CEP95: variants seen among roughly 807,000 people sequenced by gnomAD.
The protein encoded by CEP95 is centrosomal protein of 95 kDa.
Under a neutral mutation model 111.2 loss-of-function variants are expected in CEP95, and 98 were observed. That is an observed-to-expected ratio of 0.88 (90% CI 0.75 to 1.04). CEP95 has a LOEUF of 1.04. CEP95 is among the 50% of genes least tolerant of loss of function. The pLI, the probability that CEP95 is intolerant of heterozygous loss-of-function variation, is 0.00. For missense variants in CEP95, 1,027 were observed against 977.2 expected (o/e 1.05, Z -0.68); for synonymous variants, 323 against 327.1 (o/e 0.99, Z 0.14).
Position 64,532,974 on chromosome 17 carries a change from G to T in CEP95, c.1808G>T (p.Arg603Ile). Residue 603 changes from arginine to isoleucine, a missense_variant, in exon 15 of 20, where the codon AGA becomes ATA. Arg to Ile is a moderately conservative substitution (Grantham distance 97). Transcript: ENST00000556440. ...GAACAGCTTAAGAAAGAAGCATGTAGAGAAAATCGATCAAAGAAGAAACTC... is the reference window on the plus strand; with the variant it reads ...GAACAGCTTAAGAAAGAAGCATGTATAGAAAATCGATCAAAGAAGAAACTC... ...QVEQLKKEAC[R>I]ENRSKKKLQD... 1 of 1,612,588 alleles carries T rather than the reference G, an allele frequency of 6.2e-7. No individual in the cohort carries two copies. The highest frequency in any genetic ancestry group is 8.5e-7 in the Non-Finnish European group (1 of 1,179,556).
At chr17:64,531,564 G>A (rs952681350) in intron 13 of CEP95, among the ~76,000 whole-genome samples, 4 of 152,140 alleles carry the variant, frequency 2.6e-5, no homozygotes, top group African/African-American at 7.2e-5. Flanking sequence ...CATGGAAAAA[G>A]AGAAGTACAT....
chr17:64,507,364 CCTGG>C, intron 1 of CEP95: 2 of 1,411,888 alleles, frequency 1.4e-6, no homozygotes, highest in Non-Finnish European at 1.8e-6. Context: ...ACACTTGGGT[CCTGG>C]CTGTAAAAAG....
chr17:64,535,060 G>GAC (rs1300988080), intron 17 of CEP95: 1 of 338,940 alleles, frequency 3.0e-6, no homozygotes, highest in East Asian at 7.4e-5. Flanking sequence ...GTGATAACAT[G>GAC]ACCTTGCATT....
chr17:64,508,456 A>C, intron 1 of CEP95, 136 bp from the exon 2 acceptor site: 1 of 1,170,040 alleles, frequency 8.5e-7, no homozygotes, highest in Admixed American at 4.7e-5. Flanking sequence ...GAAATTCTCT[A>C]ACAATCAAAT....
At chr17:64,533,032 A>T (rs367648695) in intron 15 of CEP95, 24 bp downstream of exon 15, 42 of 1,606,588 alleles carry the variant, frequency 2.6e-5, no homozygotes, top group South Asian at 2.0e-4. Flanking sequence ...AGTCTTAAGC[A>T]TAGGAATTTA....
rs1300326976 is a variant in CEP95, at chr17:64,518,195, T to C, written c.474-1126T>C. ...CCCAGCCTCAAGTTGTTAAATTCTT[T>C]ATAATAATTTGTAATCACTGTATAA... On this transcript the variant is annotated intron_variant, in intron 5 of 19. Coordinates refer to ENST00000556440, the MANE Select transcript of CEP95 (RefSeq NM_138363.3). 3.3e-5 allele frequency among the ~76,000 whole-genome samples: 5 copies of C among 152,222 alleles called. No individual in the cohort carries two copies. In the East Asian group the frequency reaches 7.7e-4, roughly 23 times the overall value.
intron 2 of CEP95, 80 bp downstream of exon 2, chr17:64,508,800 A>G (rs781891577): frequency 2.0e-4 from 110 of 563,296 alleles, no homozygotes; most frequent in Non-Finnish European, 2.7e-4. Flanking sequence ...ATTCTTTGAT[A>G]TTTATAAAAT....
chr17:64,518,168 C>T (rs953647653), intron 5 of CEP95, among the ~76,000 whole-genome samples: 3 of 152,200 alleles, frequency 2.0e-5, no homozygotes, highest in Non-Finnish European at 2.9e-5. Flanking sequence ...TGAGCCCCTG[C>T]GCCCAGCCTC....
Position 64,511,483 on chromosome 17 carries a change from T to C in CEP95, c.256+1203T>C, listed in dbSNP as rs568180988. ...ATTTGCTTTTGAAAGAAAAGAAATA[T>C]GGCTCTGTTCCGCCCGGCTCACCAA... On this transcript the variant is annotated intron_variant, in intron 3 of 19. Transcript: ENST00000556440. 7.9e-5 allele frequency among the ~76,000 whole-genome samples: 12 copies of C among 152,350 alleles called. 2 individuals carry two copies. The South Asian group carries it at 1.4e-3, about 18-fold the overall frequency.
intron 12 of CEP95, among the ~76,000 whole-genome samples, chr17:64,530,202 A>G (rs1555679986): frequency 6.6e-6 from 1 of 152,162 alleles, no homozygotes; most frequent in African/African-American, 2.4e-5. Flanking sequence ...CCTGGCCAAC[A>G]TGTTGAAACC....
intron 6 of CEP95, among the ~76,000 whole-genome samples, chr17:64,520,941 A>T (rs1422054371): frequency 2.6e-5 from 4 of 152,232 alleles, no homozygotes; most frequent in African/African-American, 9.6e-5. Context: ...TCTGATAGCA[A>T]TTAAAAATAA....
intron 5 of CEP95, among the ~76,000 whole-genome samples, chr17:64,517,891 T>C (rs1345784233): frequency 6.6e-6 from 1 of 152,214 alleles, no homozygotes; most frequent in East Asian, 1.9e-4. Flanking sequence ...AATTTTTTTT[T>C]TGAGACACAG....
Position 64,527,249 on chromosome 17 carries a change from A to G in CEP95, c.1291A>G (p.Lys431Glu), listed in dbSNP as rs782621467. 6.6e-5 allele frequency: 106 copies of G among 1,611,746 alleles called. 1 individual carries two copies. Among genetic ancestry groups the G allele is most frequent in the Non-Finnish European group, 9.3e-6 (11 of 1,178,940 alleles). Residue 431 changes from lysine to glutamate, a missense_variant, in exon 11 of 20, where the codon AAG becomes GAG. Lys to Glu is a moderately conservative substitution (Grantham distance 56). Transcript: ENST00000556440. ...HSDGIVEYGP[K>E]KSRPGLSMRR... The stretch of plus-strand genomic sequence containing the variant: ...TGATGGCATCGTGGAGTATGGGCCA[A>G]AGAAGTCAAGGCCAGGTACTTACCC...
chr17:64,532,980 A>G lies in CEP95; in HGVS notation c.1814A>G (p.Asn605Ser). Residue 605 changes from asparagine to serine, a missense_variant, in exon 15 of 20, where the codon AAT (asparagine) becomes AGT (serine). By Grantham distance (46) the Asn-to-Ser change is conservative (BLOSUM62 1). Transcript: ENST00000556440. ...EQLKKEACRE[N>S]RSKKKLQDEI... is the part of the protein sequence containing the mutation. ...CTTAAGAAAGAAGCATGTAGAGAAA[A>G]TCGATCAAAGAAGAAACTCCAAGAT... is the stretch of plus-strand genomic sequence containing the variant. 6 of 1,612,270 alleles carry G rather than the reference A, an allele frequency of 3.7e-6. No homozygotes were observed. The highest frequency in any genetic ancestry group is 5.1e-6 in the Non-Finnish European group (6 of 1,179,490).
At chr17:64,513,573 C>T (rs934397937) in intron 3 of CEP95, among the ~76,000 whole-genome samples, 6 of 152,038 alleles carry the variant, frequency 3.9e-5, no homozygotes, top group African/African-American at 1.4e-4. Flanking sequence ...AGAGATGTAG[C>T]TGGAGACGCT....
chr17:64,537,545 T>C (rs1329193301), intron 19 of CEP95, 58 bp from the exon 20 acceptor site: 8 of 1,492,404 alleles, frequency 5.4e-6, no homozygotes, highest in African/African-American at 4.2e-5. Flanking sequence ...GAGGGAACAA[T>C]AGATGAGGGC....
At chr17:64,512,104 A>G (rs1479713997) in intron 3 of CEP95, among the ~76,000 whole-genome samples, 1 of 152,202 alleles carries the variant, frequency 6.6e-6, no homozygotes, top group Non-Finnish European at 1.5e-5. Context: ...TTTGTGCACA[A>G]TGTTCCGTGT....
chr17:64,537,796 A>AGTAGGTGAAGGTTCTG lies in CEP95; in HGVS notation c.*19_*34dup. 2 of 1,528,544 alleles carry AGTAGGTGAAGGTTCTG rather than the reference A, an allele frequency of 1.3e-6. No individual in the cohort carries two copies. Among genetic ancestry groups the AGTAGGTGAAGGTTCTG allele is most frequent in the Non-Finnish European group, 1.8e-6 (2 of 1,129,584 alleles). 94.7% of individuals were successfully genotyped at this position (1,528,544 alleles called of 1,614,324 possible). Reference sequence around the variant, plus strand: ...TCCCTATGAGGCCAGACTTGATAATAGTAGGTGAAGGTTCTGGAGGCCTTT... The same window carrying AGTAGGTGAAGGTTCTG: ...TCCCTATGAGGCCAGACTTGATAATAGTAGGTGAAGGTTCTGGTAGGTGAAGGTTCTGGAGGCCTTT... On this transcript the variant is annotated 3_prime_UTR_variant, in exon 20 of 20. Coordinates refer to ENST00000556440, the MANE Select transcript of CEP95 (RefSeq NM_138363.3).
intron 19 of CEP95, 112 bp from the exon 20 acceptor site, chr17:64,537,491 G>C: frequency 1.4e-6 from 2 of 1,434,976 alleles, no homozygotes; most frequent in Non-Finnish European, 1.8e-6. Context: ...GCTGTTGCTA[G>C]ATTATTGAAA....
Sources: gnomAD v4.1 joint callset for allele counts (sites outside exome capture counted in the v4.1 genomes callset) on GRCh38, gnomAD v4.1.1 for gene constraint, MANE v1.5 for transcripts, NCBI Gene and HGNC (gene_info 2026-07-23, HGNC 2026-07-21) for gene names.